STPG2: variants seen among roughly 807,000 people sequenced by gnomAD.
STPG2 encodes the protein sperm tail PG-rich repeat containing 2, also known as sperm-tail PG-rich repeat-containing protein 2.
A neutral mutation model predicts 54.2 loss-of-function variants in STPG2; 56 were observed. That is an observed-to-expected ratio of 1.03 (90% confidence interval 0.83 to 1.29). The LOEUF (loss-of-function observed/expected upper bound fraction) is 1.29. STPG2 is among the 50% of genes most tolerant of loss of function. STPG2 has a pLI of 0.00. For missense variants in STPG2, 596 were observed against 544.9 expected (o/e 1.09, Z -0.93); for synonymous variants, 200 against 181.8 (o/e 1.10, Z -0.81).
intron 10 of STPG2, among the ~76,000 whole-genome samples, chr4:97,636,822 A>G (rs1268504611): frequency 1.3e-5 from 2 of 151,682 alleles, no homozygotes; most frequent in East Asian, 3.9e-4. Context: ...TAGACCAATA[A>G]CAGGATCTGA....
intron 9 of STPG2, among the ~76,000 whole-genome samples, chr4:97,761,338 C>T (rs1725882602): frequency 1.3e-5 from 2 of 152,006 alleles, no homozygotes; most frequent in Admixed American, 1.3e-4. Flanking sequence ...GAAAGGAAGA[C>T]ACAAACGTAC....
intron 10 of STPG2, among the ~76,000 whole-genome samples, chr4:97,639,364 G>T: frequency 6.6e-6 from 1 of 151,898 alleles, no homozygotes; most frequent in East Asian, 1.9e-4. Context: ...GGAGGGGGGA[G>T]GGATGGCATT....
At chr4:97,700,318 A>G (rs1459392979) in intron 10 of STPG2, among the ~76,000 whole-genome samples, 1 of 152,186 alleles carries the variant, frequency 6.6e-6, no homozygotes, top group African/African-American at 2.4e-5. Flanking sequence ...CTCCACTCCA[A>G]AATAGCAGCC....
chr4:97,622,250 C>G (rs1734031303), intron 10 of STPG2, among the ~76,000 whole-genome samples: 1 of 152,080 alleles, frequency 6.6e-6, no homozygotes, highest in African/African-American at 2.4e-5. Flanking sequence ...CATTCCTATT[C>G]AACATAGTAC....
chr4:98,019,717 T>C (rs1578786619), intron 5 of STPG2, among the ~76,000 whole-genome samples: 1 of 128,708 alleles, frequency 7.8e-6, no homozygotes, highest in East Asian at 2.1e-4. Flanking sequence ...TAGTTCTCCT[T>C]GAAGAGGTCC....
chr4:97,450,735 A>G (rs1186310629), intron 4 of STPG2, among the ~76,000 whole-genome samples: 1 of 152,216 alleles, frequency 6.6e-6, no homozygotes, highest in African/African-American at 2.4e-5. Context: ...AGGCCATGTT[A>G]AGGATTTTGG....
rs138581711 is a variant in STPG2, at chr4:97,777,081, T to C, written c.1204+63692A>G. Among the ~76,000 whole-genome samples the C allele has an allele frequency of 4.2e-3, 641 of 152,284 alleles. 3 individuals are homozygous for C. The highest frequency in any genetic ancestry group is 0.024 in the South Asian group (115 of 4,824). The stretch of plus-strand genomic sequence containing the variant: ...ATACAAATATATTAGGTTGTGATGA[T>C]TAATCACTATTATACAGGAGCTCAG... On this transcript the variant is annotated intron_variant, in intron 9 of 10. Coordinates refer to ENST00000295268, the MANE Select transcript of STPG2 (RefSeq NM_174952.3).
At chr4:98,118,686 G>C (rs1206433106) in intron 3 of STPG2, among the ~76,000 whole-genome samples, 1 of 152,042 alleles carries the variant, frequency 6.6e-6, no homozygotes, top group East Asian at 1.9e-4. Context: ...ATGGAAGTAG[G>C]GCTCCTTAAA....
intron 10 of STPG2, among the ~76,000 whole-genome samples, chr4:97,668,781 G>C (rs556939125): frequency 6.6e-6 from 1 of 152,128 alleles, no homozygotes; most frequent in African/African-American, 2.4e-5. Context: ...AGATTTAATG[G>C]GGGAAGCAGA....
At chr4:97,598,792 A>T (rs1417020949) in intron 10 of STPG2, among the ~76,000 whole-genome samples, 1 of 151,924 alleles carries the variant, frequency 6.6e-6, no homozygotes, top group African/African-American at 2.4e-5. Flanking sequence ...TAAAGCCTTA[A>T]ATATAAAACC....
chr4:97,878,745 A>G (rs775701152), intron 8 of STPG2, among the ~76,000 whole-genome samples: 106 of 152,192 alleles, frequency 7.0e-4, no homozygotes, highest in Non-Finnish European at 1.1e-3. Flanking sequence ...TTTCCCCATT[A>G]TCCTGCATTG....
rs537456501 is a variant in STPG2, at chr4:97,463,191, T to G, written c.462+249508A>C. ...GCAGTCTTTTACATTTTTCATCTCT[T>G]TATCTTTTTGAATTGTATTGTAACC... On this transcript the variant is annotated intron_variant, in intron 4 of 4. Coordinates refer to the STPG2 transcript ENST00000522676. 1.8e-3 allele frequency among the ~76,000 whole-genome samples: 277 copies of G among 152,262 alleles called. 1 individual carries two copies. The highest frequency in any genetic ancestry group is 6.4e-3 in the African/African-American group (265 of 41,548).
intron 5 of STPG2, among the ~76,000 whole-genome samples, chr4:98,023,836 G>A (rs1179757505): frequency 6.6e-6 from 1 of 152,216 alleles, no homozygotes; most frequent in Non-Finnish European, 1.5e-5. Context: ...TCCGAGCCAT[G>A]TGCAGGATAT....
intron 9 of STPG2, among the ~76,000 whole-genome samples, chr4:97,809,768 T>C (rs1341383771): frequency 1.3e-5 from 2 of 152,128 alleles, no homozygotes; most frequent in African/African-American, 4.8e-5. Flanking sequence ...TTGATCAACA[T>C]CTTGATTTCA....
At chr4:97,565,156 C>T (rs1416662431) in intron 10 of STPG2, among the ~76,000 whole-genome samples, 2 of 152,044 alleles carry the variant, frequency 1.3e-5, no homozygotes, top group Non-Finnish European at 2.9e-5. Context: ...TTTCTCTAAA[C>T]TTCCCTTCTC....
chr4:97,801,180 C>A (rs1251063091), intron 9 of STPG2, among the ~76,000 whole-genome samples: 1 of 152,128 alleles, frequency 6.6e-6, no homozygotes, highest in Non-Finnish European at 1.5e-5. Context: ...GTGGGCTGCA[C>A]CCACTGTCCT....
intron 4 of STPG2, among the ~76,000 whole-genome samples, chr4:97,545,410 C>T (rs1306224699): frequency 2.6e-5 from 4 of 152,018 alleles, no homozygotes; most frequent in African/African-American, 9.7e-5. Context: ...TTAAGAAATA[C>T]CCTTGATGTT....
At chr4:97,897,368 T>G (rs767341193) in intron 8 of STPG2, among the ~76,000 whole-genome samples, 9 of 152,014 alleles carry the variant, frequency 5.9e-5, no homozygotes, top group African/African-American at 2.2e-4. Flanking sequence ...AATGAACATA[T>G]GCATACATGT....
intron 9 of STPG2, among the ~76,000 whole-genome samples, chr4:97,817,052 G>A (rs932968462): frequency 1.2e-4 from 18 of 148,862 alleles, no homozygotes; most frequent in African/African-American, 4.2e-4. Context: ...AATACAGGGT[G>A]TACTTAACAA....
Sources: allele counts gnomAD v4.1 joint callset (sites outside exome capture counted in the v4.1 genomes callset), GRCh38; gene constraint gnomAD v4.1.1; transcripts MANE v1.5; gene names NCBI Gene and HGNC (gene_info 2026-07-23, HGNC 2026-07-21).